The following NEIL3 variants were observed in gnomAD, a reference collection of about 807,000 sequenced individuals.
NEIL3 encodes nei like DNA glycosylase 3, also known as endonuclease 8-like 3.
In NEIL3, 48 loss-of-function variants were observed where a neutral mutation model predicts 57.5. The observed-to-expected ratio is 0.83, with a 90% CI of 0.66 to 1.06. The LOEUF (loss-of-function observed/expected upper bound fraction) is 1.06. Ranked by LOEUF, NEIL3 falls within the 50% of genes least tolerant of loss-of-function variation. NEIL3 has a pLI of 0.00. For missense variants in NEIL3, 717 were observed against 739.1 expected (o/e 0.97, Z 0.35); for synonymous variants, 261 against 253.2 (o/e 1.03, Z -0.29).
Position 177,362,508 on chromosome 4 carries a change from TGTG to T in NEIL3, c.*38_*40del. The T allele has an allele frequency of 6.8e-7, 1 of 1,476,506 alleles. No homozygotes were observed. The highest frequency in any genetic ancestry group is 9.2e-7 in the Non-Finnish European group (1 of 1,081,394). The allele number at this position is 1,476,506 out of a possible 1,614,324, so 91.5% of individuals were successfully genotyped here. On this transcript the variant is annotated 3_prime_UTR_variant, in exon 10 of 10. Coordinates refer to ENST00000264596, the MANE Select transcript of NEIL3 (RefSeq NM_018248.3). ...TCTCTGGCATTTAGTCTCTTCAAAC[TGTG>T]TATAATGTTTGGTCCTCCTCTGTTT...
downstream of NEIL3, among the ~76,000 whole-genome samples, chr4:177,365,556 G>GA (rs997560164): frequency 1.3e-5 from 2 of 151,798 alleles, no homozygotes; most frequent in Non-Finnish European, 1.5e-5. Context: ...CTAAGAAAAA[G>GA]AAAAAAAATT....
At chr4:177,359,486 G>C (rs1735562547) in intron 8 of NEIL3, among the ~76,000 whole-genome samples, 1 of 151,964 alleles carries the variant, frequency 6.6e-6, no homozygotes, top group South Asian at 2.1e-4. Flanking sequence ...TGTAAAAAAT[G>C]CAGTTTAGGA....
chr4:177,357,504 G>GA (rs1735499239), intron 8 of NEIL3, among the ~76,000 whole-genome samples: 3 of 152,212 alleles, frequency 2.0e-5, no homozygotes, highest in East Asian at 1.9e-4. Flanking sequence ...AATTGACCAT[G>GA]AAAAAATAAT....
chr4:177,349,174 G>A (rs567445924), intron 6 of NEIL3, among the ~76,000 whole-genome samples: 9 of 151,744 alleles, frequency 5.9e-5, no homozygotes, highest in East Asian at 3.9e-4. Context: ...GAGCCACCGC[G>A]CCCGGCCTCG....
intron 6 of NEIL3, among the ~76,000 whole-genome samples, chr4:177,342,389 G>A (rs571812519): frequency 4.6e-5 from 7 of 152,352 alleles, no homozygotes; most frequent in Non-Finnish European, 1.0e-4. Flanking sequence ...CTGCATAGCA[G>A]TATATGTGAT....
rs1411643875 is a variant in NEIL3 at position 177,309,904 on chromosome 4, G to A, written c.-50G>A. The A allele has an allele frequency of 1.3e-6, 2 of 1,579,706 alleles. No individual in the cohort carries two copies. The highest frequency in any genetic ancestry group is 2.3e-4 in the Middle Eastern group (1 of 4,424). On this transcript the variant is annotated 5_prime_UTR_variant, in exon 1 of 10. Transcript: ENST00000264596. ...CCGCGCAGCGTTGAGTTGCACAGCG[G>A]TATTCTCACCAGGCCCTGCAATCGG... is the stretch of plus-strand genomic sequence containing the variant.
rs372133782 is a variant in NEIL3, at chr4:177,332,390, T to C, written c.279-3298T>C. ...GGCTGGGTGGCCGAAGGGTTTCCGC[T>C]GCTGTCCTGTGGCAGACTGCTTATG... On this transcript the variant is annotated intron_variant, in intron 2 of 9. Transcript: ENST00000264596. 7.3e-4 allele frequency among the ~76,000 whole-genome samples: 111 copies of C among 152,332 alleles called. 6 individuals carry two copies. In the South Asian group the frequency reaches 0.023, roughly 32 times the overall value.
At chr4:177,322,853 T>C (rs184463693) in intron 2 of NEIL3, among the ~76,000 whole-genome samples, 11 of 152,338 alleles carry the variant, frequency 7.2e-5, no homozygotes, top group African/African-American at 2.4e-4. Flanking sequence ...CCAAGCTTCC[T>C]ATACCACAAG....
chr4:177,362,383 T>G lies in NEIL3; in HGVS notation c.1730T>G (p.Phe577Cys). Residue 577 changes from phenylalanine (F) to cysteine (C), a missense_variant, in exon 10 of 10, where the codon TTT becomes TGT. By Grantham distance (205) the Phe-to-Cys change is radical. Coordinates refer to ENST00000264596, the MANE Select transcript of NEIL3 (RefSeq NM_018248.3). ...KIGPNNGKNF[F>C]VCPLGKEKQC... ...GGACCTAACAATGGAAAGAATTTTT[T>G]TGTGTGTCCTCTTGGGAAGGAAAAA... 1.2e-6 allele frequency: 2 copies of G among 1,613,902 alleles called. No individual in the cohort carries two copies. The highest frequency in any genetic ancestry group is 1.7e-5 in the Admixed American group (1 of 59,982).
chr4:177,356,461 C>A (rs1239969287), intron 8 of NEIL3, among the ~76,000 whole-genome samples: 6 of 152,156 alleles, frequency 3.9e-5, no homozygotes, highest in African/African-American at 1.4e-4. Context: ...CACCCAGCAG[C>A]CCTTCTGCAC....
chr4:177,333,333 A>G (rs1166923266), intron 2 of NEIL3, among the ~76,000 whole-genome samples: 3 of 152,162 alleles, frequency 2.0e-5, no homozygotes, highest in Admixed American at 6.5e-5. Flanking sequence ...GGGCTTATTT[A>G]CTAGTTTCTT....
At chr4:177,342,128 A>AACC (rs1288771424) in intron 6 of NEIL3, among the ~76,000 whole-genome samples, 2 of 152,354 alleles carry the variant, frequency 1.3e-5, no homozygotes, top group East Asian at 3.9e-4. Flanking sequence ...CTGGAGAAAT[A>AACC]ACCGCAGGAT....
chr4:177,343,832 T>C (rs1333272195), intron 6 of NEIL3: 4 of 151,876 alleles, frequency 2.6e-5, no homozygotes, highest in Admixed American at 2.6e-4. Flanking sequence ...TTCATAGTTT[T>C]TTATGAACAG....
chr4:177,336,081 T>G, intron 3 of NEIL3, 27 bp from the exon 4 acceptor site: 1 of 1,528,150 alleles, frequency 6.5e-7, no homozygotes, highest in Non-Finnish European at 9.1e-7. Flanking sequence ...GACTTATGAT[T>G]AATGTGTTTT....
intron 2 of NEIL3, among the ~76,000 whole-genome samples, chr4:177,323,017 ATTTAC>A (rs1002650458): frequency 6.6e-5 from 10 of 152,132 alleles, no homozygotes; most frequent in African/African-American, 2.2e-4. Flanking sequence ...GAATTTGGAA[ATTTAC>A]TTAGAGAGTG....
intron 2 of NEIL3, among the ~76,000 whole-genome samples, chr4:177,329,135 A>G (rs891044805): frequency 6.6e-6 from 1 of 152,192 alleles, no homozygotes; most frequent in Admixed American, 6.5e-5. Context: ...ATAAGCTGCT[A>G]TGGAGATAAA....
At chr4:177,351,206 CAAAAAAAAAAAAAAAAA>C (rs749430879) in intron 6 of NEIL3, among the ~76,000 whole-genome samples, 157 bp from the exon 7 acceptor site, 4 of 58,520 alleles carry the variant, frequency 6.8e-5, no homozygotes, top group Non-Finnish European at 8.4e-5. Context: ...CCCATCTCTA[CAAAAAAAAAAAAAAAAA>C]AAAAAAAAAA....
rs1250375364 is a variant in NEIL3 at position 177,362,724 on chromosome 4, T to C, written c.*253T>C. On this transcript the variant is annotated 3_prime_UTR_variant, in exon 10 of 10. Transcript: ENST00000264596. ...CCATTTAGGATGTGTATTTAATGCA[T>C]TTAGTAATGACGATAAAGTGTTTTT... 1 of 293,990 alleles carries C rather than the reference T, an allele frequency of 3.4e-6. No individual in the cohort carries two copies. The highest frequency in any genetic ancestry group is 6.3e-6 in the Non-Finnish European group (1 of 159,652). The allele number at this position is 293,990 out of a possible 1,614,324, so 18.2% of individuals were successfully genotyped here. A position where few individuals can be genotyped will look rare whatever the true frequency, so the allele number is the denominator to read the frequency against.
At chr4:177,346,602 C>T (rs778503274) in intron 6 of NEIL3, among the ~76,000 whole-genome samples, 1 of 152,178 alleles carries the variant, frequency 6.6e-6, no homozygotes, top group Non-Finnish European at 1.5e-5. Context: ...TCTATTGGAC[C>T]TTTCTGCCTC....
Sources: allele counts gnomAD v4.1 joint callset (sites outside exome capture counted in the v4.1 genomes callset), GRCh38; gene constraint gnomAD v4.1.1; transcripts MANE v1.5; gene names NCBI Gene and HGNC (gene_info 2026-07-23, HGNC 2026-07-21).